Variants in ANKS1B observed in about 807,000 individuals in gnomAD.
ANKS1B encodes ankyrin repeat and sterile alpha motif domain-containing protein 1B.
Under a neutral mutation model 148.3 loss-of-function variants are expected in ANKS1B, and 36 were observed. That is an observed-to-expected ratio of 0.24 (90% CI 0.19 to 0.32). The LOEUF (loss-of-function observed/expected upper bound fraction) is 0.32, where lower values mean the gene tolerates loss of function less well. Among genes scored for constraint, ANKS1B ranks in the 10% least tolerant of loss-of-function variants. The pLI, the probability that ANKS1B is intolerant of heterozygous loss-of-function variation, is 1.00. For synonymous variants in ANKS1B, 542 were observed against 560.8 expected (o/e 0.97, Z 0.47); for missense variants, 1,157 against 1,542.6 (o/e 0.75, Z 4.19).
intron 8 of ANKS1B, among the ~76,000 whole-genome samples, chr12:99,768,657 G>A (rs1601760784): frequency 6.6e-6 from 1 of 151,598 alleles, no homozygotes; most frequent in Non-Finnish European, 1.5e-5. Context: ...GAAACCCCGT[G>A]TCTACTAAAA....
intron 10 of ANKS1B, among the ~76,000 whole-genome samples, chr12:99,468,271 C>T (rs1398784100): frequency 6.6e-6 from 1 of 152,114 alleles, no homozygotes; most frequent in Non-Finnish European, 1.5e-5. Context: ...TTCCTTACAC[C>T]TTATACAAAA....
In ANKS1B at chr12:99,552,635, A is replaced by G. The variant is rs34598720; in HGVS notation, c.1273-47994T>C. ...ATGGCTGGGAATTAAATTATAAAAC[A>G]ATGATTATCAAAAATCATAGATATA... On this transcript the variant is annotated intron_variant, in intron 9 of 26. Coordinates refer to ENST00000683438, the MANE Select transcript of ANKS1B (RefSeq NM_001352186.2). 1.5e-3 allele frequency among the ~76,000 whole-genome samples: 228 copies of G among 152,358 alleles called. 1 individual carries two copies. The highest frequency in any genetic ancestry group is 6.8e-3 in the Middle Eastern group (2 of 294).
chr12:99,244,528 TC>T, intron 13 of ANKS1B, 114 bp from the exon 14 acceptor site: 1 of 600,120 alleles, frequency 1.7e-6, no homozygotes, highest in Non-Finnish European at 2.7e-6. Flanking sequence ...ACCACAGTGT[TC>T]CACAGTTAAG....
At chr12:98,764,416 T>G (rs1183777976) in intron 25 of ANKS1B, among the ~76,000 whole-genome samples, 1 of 151,698 alleles carries the variant, frequency 6.6e-6, no homozygotes, top group Non-Finnish European at 1.5e-5. Flanking sequence ...TTAGTAGAGA[T>G]AGGGTTTCAC....
At chr12:98,862,067 C>T (rs765706736) in intron 17 of ANKS1B, among the ~76,000 whole-genome samples, 1 of 152,068 alleles carries the variant, frequency 6.6e-6, no homozygotes, top group Non-Finnish European at 1.5e-5. Context: ...ACAGATTTGC[C>T]ATATCAATTT....
chr12:99,737,493 C>T (rs1324668723), intron 8 of ANKS1B, among the ~76,000 whole-genome samples: 1 of 152,054 alleles, frequency 6.6e-6, no homozygotes, highest in Non-Finnish European at 1.5e-5. Flanking sequence ...GAAATGCAAA[C>T]TTAATCAAGT....
rs1306891380 is a variant in ANKS1B, at chr12:99,632,766, TA to T, written c.1272+22300del. On this transcript the variant is annotated intron_variant, in intron 9 of 26. Transcript: ENST00000683438. ...ATATATATATATATATATATATATATATTTTAATTATACTTTAAGTTCTAGG... is the reference window on the plus strand; with the variant it reads ...ATATATATATATATATATATATATATTTTTAATTATACTTTAAGTTCTAGG... Among the ~76,000 whole-genome samples, 126 of 91,372 alleles carry T rather than the reference TA, an allele frequency of 1.4e-3. 6 individuals carry two copies. The highest frequency in any genetic ancestry group is 2.6e-3 in the African/African-American group (66 of 25,276). 59.9% of individuals were successfully genotyped at this position (91,372 alleles called of 152,430 possible). A position where few individuals can be genotyped will look rare whatever the true frequency, so the allele number is the denominator to read the frequency against.
chr12:99,416,997 T>G (rs1269179908), intron 11 of ANKS1B, among the ~76,000 whole-genome samples: 2 of 152,160 alleles, frequency 1.3e-5, no homozygotes, highest in African/African-American at 4.8e-5. Context: ...CCCTCTGATT[T>G]GGGGACTATC....
intron 10 of ANKS1B, among the ~76,000 whole-genome samples, chr12:99,479,904 A>C (rs564528645): frequency 8.6e-5 from 13 of 152,044 alleles, no homozygotes; most frequent in African/African-American, 3.1e-4. Flanking sequence ...TTCTCACTAC[A>C]AATAAATAGT....
intron 17 of ANKS1B, among the ~76,000 whole-genome samples, chr12:98,891,693 CAT>C (rs2099753065): frequency 6.6e-6 from 1 of 152,132 alleles, no homozygotes; most frequent in Non-Finnish European, 1.5e-5. Flanking sequence ...AGAGTAAAAA[CAT>C]TACATATAAT....
chr12:98,985,955 A>T (rs535800441), intron 17 of ANKS1B, among the ~76,000 whole-genome samples: 3 of 152,252 alleles, frequency 2.0e-5, no homozygotes, highest in South Asian at 4.1e-4. Context: ...TGTTTGTCTG[A>T]AAAAGCCTTT....
chr12:99,906,299 C>T (rs1290704063), intron 1 of ANKS1B, among the ~76,000 whole-genome samples: 1 of 152,200 alleles, frequency 6.6e-6, no homozygotes, highest in Non-Finnish European at 1.5e-5. Context: ...TGTATCGCTA[C>T]ATTCTCTTCA....
At chr12:99,935,528 T>G (rs1230871720) in intron 1 of ANKS1B, among the ~76,000 whole-genome samples, 1 of 152,102 alleles carries the variant, frequency 6.6e-6, no homozygotes, top group Non-Finnish European at 1.5e-5. Flanking sequence ...GGGCCCTCTT[T>G]TAACATCACT....
chr12:98,937,337 T>C (rs576745730), intron 17 of ANKS1B, among the ~76,000 whole-genome samples: 117 of 152,134 alleles, frequency 7.7e-4, no homozygotes, highest in Middle Eastern at 6.8e-3. Context: ...GTGATAAAAA[T>C]GTCGAGGGCC....
chr12:99,054,124 T>C (rs2153534918), intron 16 of ANKS1B, among the ~76,000 whole-genome samples: 1 of 152,256 alleles, frequency 6.6e-6, no homozygotes, highest in South Asian at 2.1e-4. Context: ...TGGTTCTTGG[T>C]TTTCGAAGTG....
intron 12 of ANKS1B, among the ~76,000 whole-genome samples, chr12:99,344,068 T>C (rs1462320621): frequency 6.6e-6 from 1 of 152,028 alleles, no homozygotes; most frequent in African/African-American, 2.4e-5. Context: ...TTTATAAAAC[T>C]GTTCCAGCAC....
At chr12:99,782,179 C>T (rs1479450826) in intron 4 of ANKS1B, 82 bp from the exon 5 acceptor site, 12 of 1,020,124 alleles carry the variant, frequency 1.2e-5, no homozygotes, top group African/African-American at 3.2e-5. Context: ...TCACATTTTA[C>T]ATATTCATAC....
At chr12:99,330,218 T>A (rs981405051) in intron 12 of ANKS1B, among the ~76,000 whole-genome samples, 3 of 152,002 alleles carry the variant, frequency 2.0e-5, no homozygotes, top group Admixed American at 1.3e-4. Context: ...TTTTCTTCCT[T>A]AGGAGTTCTA....
chr12:99,581,231 T>C (rs1452186156), intron 9 of ANKS1B, among the ~76,000 whole-genome samples: 2 of 152,112 alleles, frequency 1.3e-5, no homozygotes, highest in Non-Finnish European at 2.9e-5. Flanking sequence ...TGGAATAAAA[T>C]AAGAGTGTCC....
Sources: gnomAD v4.1 joint callset for allele counts (sites outside exome capture counted in the v4.1 genomes callset) on GRCh38, gnomAD v4.1.1 for gene constraint, MANE v1.5 for transcripts, NCBI Gene and HGNC (gene_info 2026-07-23, HGNC 2026-07-21) for gene names.